Variants in ARID2 observed in about 807,000 individuals in gnomAD.
The protein encoded by ARID2 is AT-rich interaction domain 2.
A neutral mutation model predicts 184.6 loss-of-function variants in ARID2; 32 were observed. That is an observed-to-expected ratio of 0.17 (90% CI 0.13 to 0.23). ARID2 has a LOEUF of 0.23. Ranked by LOEUF, ARID2 falls within the 10% of genes least tolerant of loss-of-function variation. The pLI is 1.00. For missense variants in ARID2, 1,696 were observed against 2,197.6 expected (o/e 0.77, Z 4.56); for synonymous variants, 836 against 772.6 (o/e 1.08, Z -1.36).
chr12:45,736,572 A>G lies in ARID2; in HGVS notation c.284+5258A>G, dbSNP rs149361459. On this transcript the variant is annotated intron_variant, in intron 3 of 20. Transcript: ENST00000334344. ...TTTCCAGACCTACTAAAGTTTAATG[A>G]TAAAAATGGATTTTGTCTGAATTGG... Among the ~76,000 whole-genome samples the G allele has an allele frequency of 7.7e-3, 1,170 of 152,258 alleles. 19 individuals are homozygous for G. The highest frequency in any genetic ancestry group is 0.067 in the South Asian group (324 of 4,820).
intron 3 of ARID2, among the ~76,000 whole-genome samples, chr12:45,794,108 G>T (rs930666979): frequency 1.3e-5 from 2 of 152,124 alleles, no homozygotes; most frequent in Non-Finnish European, 2.9e-5. Context: ...TGAAACTGCA[G>T]GTAATATGGA....
intron 3 of ARID2, among the ~76,000 whole-genome samples, chr12:45,759,573 A>G (rs149974805): frequency 9.9e-4 from 151 of 152,274 alleles, no homozygotes; most frequent in African/African-American, 3.5e-3. Flanking sequence ...TCTTATTGAA[A>G]TAGAGGAAAA....
intron 3 of ARID2, among the ~76,000 whole-genome samples, chr12:45,796,786 A>G (rs553026144): frequency 7.0e-4 from 106 of 152,252 alleles, no homozygotes; most frequent in Non-Finnish European, 1.2e-3. Flanking sequence ...GTGAATACTG[A>G]TGTGAACCAT....
At chr12:45,883,301 A>T (rs1360087286) in intron 16 of ARID2, among the ~76,000 whole-genome samples, 2 of 151,968 alleles carry the variant, frequency 1.3e-5, no homozygotes, top group Non-Finnish European at 2.9e-5. Context: ...ATACCAAAGA[A>T]TTTGATTACT....
At position 45,905,729 on chromosome 12, in the gene ARID2, C is replaced by T. The variant is rs1331751569; in HGVS notation, c.*651C>T. On this transcript the variant is annotated 3_prime_UTR_variant, in exon 21 of 21. Transcript: ENST00000334344. ...AATAGAATGAATACCTTTCATGCCA[C>T]TGCAGCCACTGGAAATACATTCTGT... 1 of 232,818 alleles carries T rather than the reference C, an allele frequency of 4.3e-6. No homozygotes were observed. Among genetic ancestry groups the T allele is most frequent in the Non-Finnish European group, 8.5e-6 (1 of 117,654 alleles). The allele number at this position is 232,818 out of a possible 1,614,324, so 14.4% of individuals were successfully genotyped here.
intron 3 of ARID2, among the ~76,000 whole-genome samples, chr12:45,739,438 C>CTTTTTTTTTTTTTTT (rs71067906): frequency 1.1e-5 from 1 of 90,754 alleles, no homozygotes; most frequent in African/African-American, 4.5e-5. Context: ...TATAAAGTTA[C>CTTTTTTTTTTTTTTT]TTTTTTTTTT....
At chr12:45,740,521 AT>A (rs1941231212) in intron 3 of ARID2, among the ~76,000 whole-genome samples, 2 of 151,876 alleles carry the variant, frequency 1.3e-5, no homozygotes, top group Non-Finnish European at 2.9e-5. Flanking sequence ...ACTGTCGTTT[AT>A]TCATTGGATA....
chr12:45,747,785 A>G (rs1941387143), intron 3 of ARID2, among the ~76,000 whole-genome samples: 1 of 152,188 alleles, frequency 6.6e-6, no homozygotes, highest in Non-Finnish European at 1.5e-5. Flanking sequence ...CATTTTGTGC[A>G]ATTCTATGCA....
chr12:45,801,108 C>T (rs758745397), intron 3 of ARID2, among the ~76,000 whole-genome samples: 12 of 152,022 alleles, frequency 7.9e-5, no homozygotes, highest in Admixed American at 1.3e-4. Context: ...GTCAGGAGAT[C>T]GAGACCATCC....
At chr12:45,754,134 A>G (rs183249388) in intron 3 of ARID2, among the ~76,000 whole-genome samples, 1 of 152,334 alleles carries the variant, frequency 6.6e-6, no homozygotes, top group East Asian at 1.9e-4. Context: ...GTTTCAAAAA[A>G]CAAACTGTTG....
Position 45,852,959 on chromosome 12 carries a change from G to A in ARID2, c.4773+63G>A, listed in dbSNP as rs913284847. On this transcript the variant is annotated intron_variant, in intron 15 of 20. Coordinates refer to ENST00000334344, the MANE Select transcript of ARID2 (RefSeq NM_152641.4). ...TCTGATCTGTAAATACAATTTTAGA[G>A]GGAAATGCACTGTTTTCCATGTCTC... The A allele has an allele frequency of 1.2e-5, 17 of 1,460,488 alleles. No individual in the cohort carries two copies. In the South Asian group the frequency reaches 2.5e-4, roughly 21 times the overall value. The allele number at this position is 1,460,488 out of a possible 1,614,324, so 90.5% of individuals were successfully genotyped here. A position where few individuals can be genotyped will look rare whatever the true frequency, so the allele number is the denominator to read the frequency against.
At position 45,833,702 on chromosome 12, in the gene ARID2, A is replaced by C. The variant is rs370556543; in HGVS notation, c.706-2887A>C. ...ACTCTAGGGCTTGTTTATTCCTTCT[A>C]CTTAGGTATGACATTTTGGGAATTT... is the stretch of plus-strand genomic sequence containing the variant. On this transcript the variant is annotated intron_variant, in intron 6 of 20. Transcript: ENST00000334344. 3.7e-4 allele frequency among the ~76,000 whole-genome samples: 56 copies of C among 152,210 alleles called. 1 individual carries two copies. Among genetic ancestry groups the C allele is most frequent in the African/African-American group, 1.3e-3 (53 of 41,530 alleles).
intron 3 of ARID2, among the ~76,000 whole-genome samples, chr12:45,806,203 A>ATT (rs540116694): frequency 2.6e-4 from 38 of 145,928 alleles, no homozygotes; most frequent in Admixed American, 1.4e-4. Context: ...GTTCTGTGTA[A>ATT]TTTTTTTTTT....
At chr12:45,730,824 C>G (rs574877221) in intron 2 of ARID2, among the ~76,000 whole-genome samples, 14 of 151,564 alleles carry the variant, frequency 9.2e-5, no homozygotes, top group East Asian at 7.8e-4. Context: ...CCCGGCCCCC[C>G]CCCCAACCCG....
chr12:45,892,474 AT>A (rs1382410564), intron 18 of ARID2, among the ~76,000 whole-genome samples: 1 of 112,150 alleles, frequency 8.9e-6, no homozygotes, highest in African/African-American at 4.7e-5. Flanking sequence ...ATATCTTGTC[AT>A]TATCATATAT....
At chr12:45,901,416 C>G (rs1944456593) in intron 20 of ARID2, among the ~76,000 whole-genome samples, 1 of 151,754 alleles carries the variant, frequency 6.6e-6, no homozygotes, top group Admixed American at 6.6e-5. Flanking sequence ...GTGATCCGCC[C>G]TCCTCAGCCT....
chr12:45,904,135 A>G (rs1944492052), intron 20 of ARID2, among the ~76,000 whole-genome samples: 1 of 152,142 alleles, frequency 6.6e-6, no homozygotes, highest in Non-Finnish European at 1.5e-5. Context: ...TAGAAAATTT[A>G]AGATTGATAA....
At chr12:45,844,221 T>C (rs1943403571) in intron 11 of ARID2, among the ~76,000 whole-genome samples, 1 of 152,110 alleles carries the variant, frequency 6.6e-6, no homozygotes, top group African/African-American at 2.4e-5. Context: ...GGTTTCACTA[T>C]GTTGCCCAGG....
At chr12:45,733,743 G>A (rs1025086564) in intron 3 of ARID2, among the ~76,000 whole-genome samples, 2 of 152,144 alleles carry the variant, frequency 1.3e-5, no homozygotes, top group African/African-American at 2.4e-5. Context: ...TGCTGGCCAT[G>A]TATATTTTAA....
Sources: gnomAD v4.1 joint callset for allele counts (sites outside exome capture counted in the v4.1 genomes callset) on GRCh38, gnomAD v4.1.1 for gene constraint, MANE v1.5 for transcripts, NCBI Gene and HGNC (gene_info 2026-07-23, HGNC 2026-07-21) for gene names.